The following RIN2 variants were observed in gnomAD, a reference collection of about 807,000 sequenced individuals.
RIN2 encodes RAB5 interacting protein 2.
RIN2 carries 36 observed loss-of-function variants against 78.0 expected under a neutral mutation model. The observed-to-expected ratio is 0.46, with a 90% CI of 0.35 to 0.61. The LOEUF is 0.61. Ranked by LOEUF, RIN2 falls within the 20% of genes least tolerant of loss-of-function variation. The pLI is 0.00. For missense variants in RIN2, 1,087 were observed against 1,159.7 expected (o/e 0.94, Z 0.91); for synonymous variants, 466 against 466.8 (o/e 1.00, Z 0.02).
At chr20:19,956,470 G>T in intron 4 of RIN2, 145 bp from the exon 5 acceptor site, 1 of 688,884 alleles carries the variant, frequency 1.5e-6, no homozygotes, top group Non-Finnish European at 2.5e-6. Flanking sequence ...AAAGCTTTCA[G>T]TCTGGAAGAG....
chr20:19,908,854 C>G (rs1304221805), intron 3 of RIN2, among the ~76,000 whole-genome samples: 1 of 152,162 alleles, frequency 6.6e-6, no homozygotes, highest in African/African-American at 2.4e-5. Context: ...AACACCACGC[C>G]TGTTGTTCAG....
chr20:19,955,912 G>A (rs1025156634), intron 4 of RIN2, among the ~76,000 whole-genome samples: 8 of 152,106 alleles, frequency 5.3e-5, no homozygotes, highest in South Asian at 2.1e-4. Flanking sequence ...AGGAACTCAC[G>A]GTTACCATCC....
chr20:19,901,438 C>G (rs1441579110), intron 3 of RIN2, among the ~76,000 whole-genome samples: 14 of 152,116 alleles, frequency 9.2e-5, no homozygotes. Flanking sequence ...GTGCCCCACC[C>G]AGCGTCGAAC....
At chr20:19,818,565 T>G (rs926888499) in intron 2 of RIN2, among the ~76,000 whole-genome samples, 3 of 151,994 alleles carry the variant, frequency 2.0e-5, no homozygotes. Context: ...AACCCTGTCT[T>G]TACTAAAAAT....
chr20:19,911,333 G>T (rs140269587), intron 3 of RIN2, among the ~76,000 whole-genome samples: 2 of 152,102 alleles, frequency 1.3e-5, no homozygotes, highest in East Asian at 3.9e-4. Context: ...GATTACAGGC[G>T]TTGAGCCACC....
intron 1 of RIN2, among the ~76,000 whole-genome samples, chr20:19,789,493 T>A (rs561486609): frequency 2.0e-4 from 31 of 152,336 alleles, no homozygotes; most frequent in Middle Eastern, 3.4e-3. Flanking sequence ...TCCTTTATGA[T>A]TTCTCTATCT....
intron 2 of RIN2, among the ~76,000 whole-genome samples, chr20:19,815,850 G>C (rs1282986176): frequency 6.6e-6 from 1 of 152,222 alleles, no homozygotes; most frequent in Non-Finnish European, 1.5e-5. Context: ...AACGATGAAA[G>C]TTGTTGTAGC....
chr20:19,799,260 G>A (rs1416425734), intron 1 of RIN2, among the ~76,000 whole-genome samples: 1 of 152,132 alleles, frequency 6.6e-6, no homozygotes, highest in East Asian at 1.9e-4. Flanking sequence ...AGAAGATTTC[G>A]GGATCCTTTT....
chr20:19,912,341 A>G (rs1600775782), intron 3 of RIN2, among the ~76,000 whole-genome samples: 1 of 152,088 alleles, frequency 6.6e-6, no homozygotes, highest in East Asian at 1.9e-4. Context: ...CTGCAGGTCC[A>G]TGCTTTTTAC....
intron 1 of RIN2, among the ~76,000 whole-genome samples, chr20:19,770,560 G>A (rs537916281): frequency 2.4e-4 from 36 of 152,210 alleles, no homozygotes; most frequent in African/African-American, 7.5e-4. Flanking sequence ...GTGAAATCTT[G>A]TTTTCCCTGC....
intron 1 of RIN2, among the ~76,000 whole-genome samples, chr20:19,776,052 C>T (rs1280624548): frequency 6.6e-6 from 1 of 152,106 alleles, no homozygotes; most frequent in Non-Finnish European, 1.5e-5. Flanking sequence ...CCATTAACTT[C>T]TTTTCATTTC....
intron 2 of RIN2, among the ~76,000 whole-genome samples, chr20:19,885,905 T>C (rs2038168452): frequency 6.6e-6 from 1 of 151,878 alleles, no homozygotes; most frequent in Non-Finnish European, 1.5e-5. Context: ...AATAAAATCC[T>C]TCCCCCAAAA....
intron 2 of RIN2, among the ~76,000 whole-genome samples, chr20:19,839,720 C>G (rs995206345): frequency 3.3e-5 from 5 of 152,210 alleles, no homozygotes; most frequent in African/African-American, 1.2e-4. Flanking sequence ...TCCCTCTCCA[C>G]TTTTCTTTGT....
chr20:19,874,086 T>G (rs13040285), intron 2 of RIN2, among the ~76,000 whole-genome samples: 6,404 of 145,654 alleles, frequency 0.044, 401 homozygotes, highest in African/African-American at 0.15. Flanking sequence ...GTGTGTGTGT[T>G]TGTGTGTGTT....
intron 2 of RIN2, among the ~76,000 whole-genome samples, chr20:19,861,036 C>G (rs1600643701): frequency 6.6e-6 from 1 of 152,198 alleles, no homozygotes; most frequent in East Asian, 1.9e-4. Flanking sequence ...AAACCCACAG[C>G]CAGTCTTTCC....
At chr20:19,826,513 A>T (rs1286724127) in intron 2 of RIN2, among the ~76,000 whole-genome samples, 1 of 152,224 alleles carries the variant, frequency 6.6e-6, no homozygotes, top group Non-Finnish European at 1.5e-5. Context: ...CTTCTGCTAT[A>T]GATTCAAGTT....
At chr20:19,763,194 G>A (rs1163321990) in intron 1 of RIN2, among the ~76,000 whole-genome samples, 1 of 152,104 alleles carries the variant, frequency 6.6e-6, no homozygotes, top group Admixed American at 6.5e-5. Flanking sequence ...AGGCCAGCCT[G>A]ACCAACATGG....
Position 19,990,765 on chromosome 20 carries a change from A to G in RIN2, c.2068+454A>G, listed in dbSNP as rs1431068953. On this transcript the variant is annotated intron_variant, in intron 10 of 12. Coordinates refer to ENST00000255006, the MANE Select transcript of RIN2 (RefSeq NM_018993.4). ...TAGCCCCAAGTGCAATGGAAATGTC[A>G]GCGATTATCATTACAACATTTTGGC... 2.6e-5 allele frequency among the ~76,000 whole-genome samples: 4 copies of G among 152,304 alleles called. No individual in the cohort carries two copies. In the South Asian group the frequency reaches 6.2e-4, roughly 24 times the overall value.
intron 1 of RIN2, among the ~76,000 whole-genome samples, chr20:19,769,179 C>CGT (rs1751641698): frequency 6.6e-6 from 1 of 152,216 alleles, no homozygotes; most frequent in African/African-American, 2.4e-5. Context: ...GCCTTGGCCA[C>CGT]GCGCCTTGGC....
Sources: allele counts gnomAD v4.1 joint callset (sites outside exome capture counted in the v4.1 genomes callset), GRCh38; gene constraint gnomAD v4.1.1; transcripts MANE v1.5; gene names NCBI Gene and HGNC (gene_info 2026-07-23, HGNC 2026-07-21).